Variants in RALYL observed in about 807,000 individuals in gnomAD.
RALYL encodes RALY RNA binding protein like.
Under a neutral mutation model 35.1 loss-of-function variants are expected in RALYL, and 29 were observed. That is an observed-to-expected ratio of 0.83 (90% confidence interval 0.61 to 1.13). The LOEUF (loss-of-function observed/expected upper bound fraction) is 1.13, where lower values mean the gene tolerates loss of function less well. RALYL is among the 50% of genes most tolerant of loss of function. RALYL has a pLI of 0.00. For synonymous variants in RALYL, 120 were observed against 127.6 expected (o/e 0.94, Z 0.40); for missense variants, 359 against 360.4 (o/e 1.00, Z 0.03).
At chr8:84,354,146 C>G (rs1851419257) in intron 1 of RALYL, among the ~76,000 whole-genome samples, 1 of 149,322 alleles carries the variant, frequency 6.7e-6, no homozygotes, top group Non-Finnish European at 1.5e-5. Context: ...TTAAGAATTA[C>G]AATTTGCATA....
intron 1 of RALYL, among the ~76,000 whole-genome samples, chr8:84,311,630 G>A (rs147017057): frequency 6.6e-6 from 1 of 152,144 alleles, no homozygotes; most frequent in East Asian, 1.9e-4. Flanking sequence ...GGAATTCATA[G>A]GATCCCAATA....
chr8:84,658,906 C>A (rs149878357), intron 2 of RALYL, among the ~76,000 whole-genome samples: 2 of 152,006 alleles, frequency 1.3e-5, no homozygotes, highest in African/African-American at 4.8e-5. Flanking sequence ...CTGGATATGG[C>A]TGCCGTGAAA....
At chr8:84,435,413 T>C (rs2047605936) in intron 1 of RALYL, among the ~76,000 whole-genome samples, 1 of 152,168 alleles carries the variant, frequency 6.6e-6, no homozygotes, top group Non-Finnish European at 1.5e-5. Flanking sequence ...TGCTGCTAAA[T>C]ATATTGATTC....
intron 5 of RALYL, among the ~76,000 whole-genome samples, chr8:84,858,235 C>G (rs1177402438): frequency 3.3e-5 from 5 of 152,030 alleles, no homozygotes; most frequent in African/African-American, 1.2e-4. Flanking sequence ...AAATTAAATT[C>G]TCAAATTTTC....
At position 84,598,221 on chromosome 8, in the gene RALYL, C is replaced by T. The variant is rs554138188; in HGVS notation, c.256+68644C>T. On this transcript the variant is annotated intron_variant, in intron 2 of 8. Coordinates refer to ENST00000521268, the MANE Select transcript of RALYL (RefSeq NM_173848.7). The stretch of plus-strand genomic sequence containing the variant: ...TTGCTCTCTCACCCAACCTGGGTTA[C>T]AGTGGTGCAGTCATAACTCTCACTG... Among the ~76,000 whole-genome samples, 153 of 152,262 alleles carry T rather than the reference C, an allele frequency of 1.0e-3. 3 individuals carry two copies. The South Asian group carries it at 0.012, about 12-fold the overall frequency.
At chr8:84,342,289 TATATATA>T (rs1848968222) in intron 1 of RALYL, among the ~76,000 whole-genome samples, 1 of 121,152 alleles carries the variant, frequency 8.3e-6, no homozygotes, top group Non-Finnish European at 1.7e-5. Context: ...TATATATATA[TATATATA>T]AAACTCAAAA....
chr8:84,445,374 G>GA (rs1264261655), intron 1 of RALYL, among the ~76,000 whole-genome samples: 2 of 151,910 alleles, frequency 1.3e-5, no homozygotes, highest in Non-Finnish European at 2.9e-5. Context: ...AGTGGTTCTA[G>GA]AAAAAATGTA....
chr8:84,459,035 A>C (rs187856242), intron 1 of RALYL, among the ~76,000 whole-genome samples: 1 of 151,870 alleles, frequency 6.6e-6, no homozygotes, highest in Admixed American at 6.6e-5. Context: ...TGTTACTAAA[A>C]AATCTTGAAA....
intron 1 of RALYL, among the ~76,000 whole-genome samples, chr8:84,243,426 G>T (rs1338915981): frequency 6.6e-6 from 1 of 151,288 alleles, no homozygotes; most frequent in Non-Finnish European, 1.5e-5. Flanking sequence ...GGGCAGTATG[G>T]CCATTTTAGC....
At chr8:84,255,962 G>A (rs1000650488) in intron 1 of RALYL, among the ~76,000 whole-genome samples, 2 of 152,066 alleles carry the variant, frequency 1.3e-5, no homozygotes, top group Non-Finnish European at 2.9e-5. Context: ...TATGAGTAAG[G>A]TTTCATTTAA....
intron 4 of RALYL, among the ~76,000 whole-genome samples, chr8:84,824,465 T>A (rs1212257859): frequency 6.6e-6 from 1 of 151,884 alleles, no homozygotes; most frequent in African/African-American, 2.4e-5. Context: ...CCAGCACTAT[T>A]CCTGTCAAAC....
chr8:84,918,214 A>G (rs1000797259), intron 8 of RALYL, among the ~76,000 whole-genome samples: 1 of 152,102 alleles, frequency 6.6e-6, no homozygotes, highest in South Asian at 2.1e-4. Context: ...TGAAGAAGTC[A>G]TAAGACTTAT....
chr8:84,670,694 C>T (rs1051089479), intron 2 of RALYL, among the ~76,000 whole-genome samples: 2 of 152,144 alleles, frequency 1.3e-5, no homozygotes, highest in African/African-American at 4.8e-5. Flanking sequence ...GAGCGTTAAT[C>T]ACTATCATGA....
At chr8:84,343,236 G>A (rs1248042513) in intron 1 of RALYL, among the ~76,000 whole-genome samples, 1 of 152,078 alleles carries the variant, frequency 6.6e-6, no homozygotes, top group African/African-American at 2.4e-5. Context: ...ATAGTGGTAT[G>A]AAATATTAGT....
intron 1 of RALYL, among the ~76,000 whole-genome samples, chr8:84,502,243 A>T: frequency 6.6e-6 from 1 of 152,036 alleles, no homozygotes; most frequent in East Asian, 1.9e-4. Flanking sequence ...TATATCTATG[A>T]CTATATAATA....
rs189358992 is a variant in RALYL, at chr8:84,284,874, T to A, written c.-24+100450T>A. On this transcript the variant is annotated intron_variant, in intron 1 of 8. Coordinates refer to ENST00000521268, the MANE Select transcript of RALYL (RefSeq NM_173848.7). ...ATATTAATTACAGTGAAGGATATAA[T>A]AACTAGGAAACCTAAAATTAGTGTC... 2.8e-3 allele frequency among the ~76,000 whole-genome samples: 424 copies of A among 152,340 alleles called. 6 individuals are homozygous for A. Among genetic ancestry groups the A allele is most frequent in the South Asian group, 2.1e-3 (10 of 4,834 alleles).
intron 2 of RALYL, among the ~76,000 whole-genome samples, chr8:84,634,682 A>T (rs1210080635): frequency 6.6e-6 from 1 of 151,932 alleles, no homozygotes; most frequent in Admixed American, 6.6e-5. Context: ...AAGTTTAAAC[A>T]ATGGGAAAAA....
intron 1 of RALYL, among the ~76,000 whole-genome samples, chr8:84,416,183 ATTCAC>A (rs2044677080): frequency 1.3e-5 from 2 of 152,212 alleles, no homozygotes; most frequent in Non-Finnish European, 2.9e-5. Flanking sequence ...TTTATTGAGC[ATTCAC>A]TCTGTACCAG....
intron 1 of RALYL, among the ~76,000 whole-genome samples, chr8:84,446,550 G>A (rs1222114184): frequency 6.6e-6 from 1 of 152,034 alleles, no homozygotes; most frequent in East Asian, 1.9e-4. Context: ...TTCCTGGTAT[G>A]TCAATTTTAT....
Sources: gnomAD v4.1 joint callset for allele counts (sites outside exome capture counted in the v4.1 genomes callset) on GRCh38, gnomAD v4.1.1 for gene constraint, MANE v1.5 for transcripts, NCBI Gene and HGNC (gene_info 2026-07-23, HGNC 2026-07-21) for gene names.